EXOC4: variants seen among roughly 807,000 people sequenced by gnomAD.
EXOC4 encodes the protein exocyst complex component 4.
Under a neutral mutation model 107.2 loss-of-function variants are expected in EXOC4, and 71 were observed. The observed-to-expected ratio is 0.66, with a 90% CI of 0.55 to 0.81. EXOC4 has a LOEUF of 0.81. Among genes scored for constraint, EXOC4 ranks in the 30% least tolerant of loss-of-function variants. EXOC4 has a pLI of 0.00. For missense variants in EXOC4, 1,108 were observed against 1,189.6 expected (o/e 0.93, Z 1.01); for synonymous variants, 456 against 441.2 (o/e 1.03, Z -0.42).
At chr7:133,581,472 C>T (rs1471255154) in intron 9 of EXOC4, among the ~76,000 whole-genome samples, 3 of 152,062 alleles carry the variant, frequency 2.0e-5, no homozygotes, top group Non-Finnish European at 4.4e-5. Context: ...TAAAGAATGA[C>T]CTGAGGCCGG....
intron 17 of EXOC4, among the ~76,000 whole-genome samples, chr7:134,017,319 T>G (rs935940482): frequency 2.6e-5 from 4 of 152,178 alleles, no homozygotes; most frequent in Non-Finnish European, 5.9e-5. Context: ...TTAAATCTCT[T>G]AAATTTAATA....
chr7:134,032,001 A>G (rs566210817), intron 17 of EXOC4, among the ~76,000 whole-genome samples: 65 of 152,316 alleles, frequency 4.3e-4, no homozygotes, highest in South Asian at 2.5e-3. Flanking sequence ...ACCTGATGAC[A>G]ACAAAGAGTA....
rs529702525 is a variant in EXOC4 at position 133,667,925 on chromosome 7, T to C, written c.1514+37784T>C. 2.6e-5 allele frequency among the ~76,000 whole-genome samples: 4 copies of C among 152,338 alleles called. No individual in the cohort carries two copies. In the South Asian group the frequency reaches 6.2e-4, roughly 24 times the overall value. Reference sequence around the variant, plus strand: ...GTGCAACCAAAAACTTTTTGCTGTTTTCCCACAAAATTATCTGAATTTGTT... The same window carrying C: ...GTGCAACCAAAAACTTTTTGCTGTTCTCCCACAAAATTATCTGAATTTGTT... On this transcript the variant is annotated intron_variant, in intron 10 of 17. Coordinates refer to ENST00000253861, the MANE Select transcript of EXOC4 (RefSeq NM_021807.4).
chr7:133,777,523 A>G (rs891760548), intron 10 of EXOC4, among the ~76,000 whole-genome samples: 5 of 152,178 alleles, frequency 3.3e-5, no homozygotes, highest in Non-Finnish European at 5.9e-5. Context: ...GGGCTTTCAC[A>G]TTCTTAGGGC....
Position 133,650,524 on chromosome 7 carries a change from T to C in EXOC4, c.1514+20383T>C, listed in dbSNP as rs141603878. On this transcript the variant is annotated intron_variant, in intron 10 of 17. Transcript: ENST00000253861. ...TAAAAAAAGCCAGAAGTTTACATGG[T>C]GTGTGTTTATGTCTGTATATTATTA... Among the ~76,000 whole-genome samples, 304 of 152,248 alleles carry C rather than the reference T, an allele frequency of 2.0e-3. 1 individual carries two copies. Among genetic ancestry groups the C allele is most frequent in the African/African-American group, 6.7e-3 (278 of 41,546 alleles).
chr7:133,646,760 A>G lies in EXOC4; in HGVS notation c.1514+16619A>G, dbSNP rs139862346. Among the ~76,000 whole-genome samples, 334 of 152,336 alleles carry G rather than the reference A, an allele frequency of 2.2e-3. 6 individuals are homozygous for G. The highest frequency in any genetic ancestry group is 7.7e-3 in the African/African-American group (322 of 41,578). ...GTTTACATTTGGTTGTGACAAAGTT[A>G]GTAGTATGCCCTCTGCAAAGAAGAG... On this transcript the variant is annotated intron_variant, in intron 10 of 17. Transcript: ENST00000253861.
In EXOC4 at chr7:133,649,461, C is replaced by CTTT. The variant is rs34123621; in HGVS notation, c.1514+19323_1514+19325dup. 1.4e-4 allele frequency among the ~76,000 whole-genome samples: 20 copies of CTTT among 141,786 alleles called. 1 individual carries two copies. Among genetic ancestry groups the CTTT allele is most frequent in the East Asian group, 2.0e-4 (1 of 4,898 alleles). 93.0% of individuals were successfully genotyped at this position (141,786 alleles called of 152,430 possible). On this transcript the variant is annotated intron_variant, in intron 10 of 17. Transcript: ENST00000253861. ...CCCTACTGTGTGTGAAGCATTACTA[C>CTTT]TTTTTCTTTTTTTTTTTTTTTTTTA...
intron 7 of EXOC4, among the ~76,000 whole-genome samples, chr7:133,452,165 A>G (rs12530513): frequency 0.17 from 26,174 of 152,096 alleles, 2,536 homozygotes; most frequent in African/African-American, 0.26. Context: ...AACCGAAGAC[A>G]AAATGAGAGA....
rs146769299 is a variant in EXOC4 at position 133,270,524 on chromosome 7, A to G, written c.87-4458A>G. 5.7e-3 allele frequency among the ~76,000 whole-genome samples: 874 copies of G among 152,310 alleles called. 4 individuals carry two copies. The highest frequency in any genetic ancestry group is 0.02 in the African/African-American group (832 of 41,568). On this transcript the variant is annotated intron_variant, in intron 1 of 17. Transcript: ENST00000253861. ...TGTTTAACCCAAGAAAGAACTATTG[A>G]AAGTCCTTTACCATTTAAAGGGAAA...
intron 16 of EXOC4, 70 bp from the exon 17 acceptor site, chr7:134,007,606 G>C: frequency 7.0e-7 from 1 of 1,429,374 alleles, no homozygotes; most frequent in South Asian, 1.5e-5. Flanking sequence ...AATTCTGTGT[G>C]CAAGTTTCTG....
chr7:133,672,382 C>T (rs2151058856), intron 10 of EXOC4, among the ~76,000 whole-genome samples: 1 of 144,194 alleles, frequency 6.9e-6, no homozygotes, highest in East Asian at 2.0e-4. Flanking sequence ...CAGAGTGAGA[C>T]TCCGTTTAAA....
At chr7:133,256,242 A>G (rs2150498726) in intron 1 of EXOC4, among the ~76,000 whole-genome samples, 1 of 152,250 alleles carries the variant, frequency 6.6e-6, no homozygotes, top group South Asian at 2.1e-4. Context: ...TGGCCTCCCA[A>G]AGTGCTGGGA....
intron 9 of EXOC4, among the ~76,000 whole-genome samples, chr7:133,483,466 G>T (rs1190530497): frequency 6.6e-6 from 1 of 152,182 alleles, no homozygotes; most frequent in Non-Finnish European, 1.5e-5. Flanking sequence ...ACTCTGTGAG[G>T]ATGGTTAATG....
intron 12 of EXOC4, among the ~76,000 whole-genome samples, chr7:133,902,839 A>G (rs1027764613): frequency 2.6e-5 from 4 of 151,004 alleles, no homozygotes; most frequent in African/African-American, 9.8e-5. Flanking sequence ...TGGCGACAGA[A>G]TGAGACTCTG....
At chr7:133,476,190 C>T (rs1346566834) in intron 8 of EXOC4, among the ~76,000 whole-genome samples, 5 of 152,206 alleles carry the variant, frequency 3.3e-5, no homozygotes, top group South Asian at 2.1e-4. Context: ...AAGTGCTAAT[C>T]AAGGCATTAA....
intron 3 of EXOC4, among the ~76,000 whole-genome samples, chr7:133,301,494 T>G (rs527813844): frequency 6.6e-6 from 1 of 152,322 alleles, no homozygotes; most frequent in African/African-American, 2.4e-5. Flanking sequence ...TAAGGGAGAT[T>G]TACTGACCTA....
At chr7:133,488,593 A>G (rs1462553823) in intron 9 of EXOC4, among the ~76,000 whole-genome samples, 1 of 152,190 alleles carries the variant, frequency 6.6e-6, no homozygotes, top group African/African-American at 2.4e-5. Flanking sequence ...CATATAGGAA[A>G]AAAACAAAGA....
intron 14 of EXOC4, among the ~76,000 whole-genome samples, chr7:133,968,872 T>C (rs1415129011): frequency 6.6e-6 from 1 of 152,172 alleles, no homozygotes; most frequent in Non-Finnish European, 1.5e-5. Context: ...ATTTCCTGAA[T>C]TTGAATGTTG....
intron 12 of EXOC4, among the ~76,000 whole-genome samples, chr7:133,896,649 ATTTAT>A (rs149949939): frequency 0.06 from 8,995 of 149,724 alleles, 395 homozygotes; most frequent in South Asian, 0.16. Flanking sequence ...ATTTTATTTT[ATTTAT>A]TTTATTTATT....
Sources: gnomAD v4.1 joint callset for allele counts (sites outside exome capture counted in the v4.1 genomes callset) on GRCh38, gnomAD v4.1.1 for gene constraint, MANE v1.5 for transcripts, NCBI Gene and HGNC (gene_info 2026-07-23, HGNC 2026-07-21) for gene names.